The following CARF variants were observed in gnomAD, a reference collection of about 807,000 sequenced individuals.
CARF encodes the protein calcium responsive transcription factor.
CARF carries 57 observed loss-of-function variants against 82.0 expected under a neutral mutation model. The observed-to-expected ratio is 0.70, with a 90% CI of 0.56 to 0.87. The LOEUF (loss-of-function observed/expected upper bound fraction) is 0.87. Among genes scored for constraint, CARF ranks in the 40% least tolerant of loss-of-function variants. CARF has a pLI of 0.00. For synonymous variants in CARF, 268 were observed against 290.1 expected (o/e 0.92, Z 0.77); for missense variants, 771 against 855.8 (o/e 0.90, Z 1.24).
At chr2:202,959,815 C>CAAAAAAAAAAAAA (rs11334679) in intron 8 of CARF, among the ~76,000 whole-genome samples, 1 of 140,248 alleles carries the variant, frequency 7.1e-6, no homozygotes, top group Non-Finnish European at 1.6e-5. Context: ...ATCTCAAAAA[C>CAAAAAAAAAAAAA]AAAAAAAAAA....
rs1337498809 is a variant in CARF, at chr2:202,971,582, C to T, written c.1175C>T (p.Ser392Phe). The change falls in exon 12 of 17, where the codon TCT becomes TTT. Residue 392 changes from serine (S) to phenylalanine (F), a missense_variant. By Grantham distance (155) the Ser-to-Phe change is radical (BLOSUM62 -2). Coordinates refer to ENST00000438828, the MANE Select transcript of CARF (RefSeq NM_024744.17). ...LETPCLTLSP[S>F]PFPVSSLEEE... is the part of the protein sequence containing the mutation. ...ACTCCCTGCCTCACTTTGTCACCTT[C>T]TCCTTTTCCTGTGTCTTCTCTTGAA... is the stretch of plus-strand genomic sequence containing the variant. 1 of 1,613,748 alleles carries T rather than the reference C, an allele frequency of 6.2e-7. No individual in the cohort carries two copies. Among genetic ancestry groups the T allele is most frequent in the East Asian group, 2.2e-5 (1 of 44,770 alleles).
chr2:202,953,916 T>C (rs1258000436), intron 6 of CARF, 89 bp from the exon 7 acceptor site: 6 of 1,135,594 alleles, frequency 5.3e-6, no homozygotes, highest in Non-Finnish European at 5.9e-6. Context: ...TTTCTTTACC[T>C]ATTACAAATA....
intron 12 of CARF, among the ~76,000 whole-genome samples, chr2:202,974,002 C>T (rs1031808961): frequency 2.0e-5 from 3 of 151,936 alleles, no homozygotes; most frequent in Admixed American, 6.6e-5. Flanking sequence ...GCAGGAGAAT[C>T]GCTTGAACCC....
intron 9 of CARF, chr2:202,961,753 C>T: frequency 2.7e-6 from 1 of 366,430 alleles, no homozygotes. Flanking sequence ...TGTTTTTCCC[C>T]TTCAGATTAA....
chr2:202,949,231 G>A (rs2058642773), intron 5 of CARF, among the ~76,000 whole-genome samples: 1 of 151,706 alleles, frequency 6.6e-6, no homozygotes, highest in Admixed American at 6.6e-5. Context: ...CTACTCAGGA[G>A]GCTGAGGCAG....
chr2:202,936,139 CT>C, intron 3 of CARF, among the ~76,000 whole-genome samples: 1 of 151,952 alleles, frequency 6.6e-6, no homozygotes, highest in African/African-American at 2.4e-5. Context: ...CCCAAAATTC[CT>C]TTTTTTTCAT....
chr2:202,960,826 A>G (rs1435227623), intron 8 of CARF, among the ~76,000 whole-genome samples: 3 of 146,516 alleles, frequency 2.0e-5, no homozygotes, highest in East Asian at 2.0e-4. Context: ...TCTCCTTCCA[A>G]CCTCACTCCA....
chr2:202,983,622 T>G lies in CARF; in HGVS notation c.2176T>G (p.Ter726GluextTer12), dbSNP rs1365722692. The G allele has an allele frequency of 1.3e-6, 2 of 1,552,140 alleles. No homozygotes were observed. Among genetic ancestry groups the G allele is most frequent in the Admixed American group, 3.4e-5 (2 of 58,308 alleles). ...GGACTATAAGAAATTATCTGCTACA[T>G]AAATTATTGAAGCTTTTCAGAATTT... ...TVDYKKLSAT* is the reference protein window; with the variant it reads ...TVDYKKLSATE The change falls in exon 17 of 17, where the codon TAA (stop) becomes GAA (glutamate). Residue 726 changes from the stop codon to glutamate (E), a stop_lost. Transcript: ENST00000438828.
At chr2:202,975,724 CT>C (rs890526447) in intron 13 of CARF, among the ~76,000 whole-genome samples, 4 of 152,122 alleles carry the variant, frequency 2.6e-5, no homozygotes, top group Admixed American at 6.6e-5. Flanking sequence ...TTTCCCCTCC[CT>C]TTTTTAATAA....
chr2:202,971,373 T>G (rs539092218), intron 11 of CARF, 132 bp from the exon 12 acceptor site: 5 of 451,156 alleles, frequency 1.1e-5, no homozygotes, highest in Non-Finnish European at 3.8e-6. Context: ...CCATATATAA[T>G]TTTTTCTTAA....
At chr2:202,957,909 G>A (rs924721823) in intron 8 of CARF, among the ~76,000 whole-genome samples, 12 of 151,732 alleles carry the variant, frequency 7.9e-5, no homozygotes, top group Non-Finnish European at 1.3e-4. Flanking sequence ...TCACGCCACT[G>A]CATTCCAGTC....
intron 3 of CARF, among the ~76,000 whole-genome samples, chr2:202,941,459 A>G (rs1448340026): frequency 2.0e-5 from 3 of 152,152 alleles, no homozygotes; most frequent in African/African-American, 7.2e-5. Context: ...CAGGATATCT[A>G]TTTTAAAATT....
At chr2:202,946,360 C>G (rs754018742) in intron 5 of CARF, among the ~76,000 whole-genome samples, 3 of 152,164 alleles carry the variant, frequency 2.0e-5, no homozygotes, top group Non-Finnish European at 4.4e-5. Context: ...CTACAACCAT[C>G]TGATCTTTGA....
chr2:202,946,625 G>A (rs932176393), intron 5 of CARF, among the ~76,000 whole-genome samples: 1 of 152,200 alleles, frequency 6.6e-6, no homozygotes, highest in African/African-American at 2.4e-5. Flanking sequence ...AAAAGCAATT[G>A]CAACAGAAGC....
At chr2:202,940,772 T>G (rs1427523228) in intron 3 of CARF, among the ~76,000 whole-genome samples, 1 of 152,160 alleles carries the variant, frequency 6.6e-6, no homozygotes, top group African/African-American at 2.4e-5. Context: ...GAAAGTTTCC[T>G]CTTTGTTTAT....
At chr2:202,976,778 A>G (rs926703261) in intron 13 of CARF, among the ~76,000 whole-genome samples, 1 of 144,546 alleles carries the variant, frequency 6.9e-6, no homozygotes, top group African/African-American at 2.6e-5. Flanking sequence ...TCACACAATC[A>G]CGGCTCACTG....
At chr2:202,940,931 T>G (rs753921341) in intron 3 of CARF, among the ~76,000 whole-genome samples, 37 of 152,112 alleles carry the variant, frequency 2.4e-4, no homozygotes, top group Admixed American at 4.6e-4. Flanking sequence ...TTCTGTTTTT[T>G]GTTTTGTATG....
At chr2:202,938,411 C>CGGG (rs1694289769) in intron 3 of CARF, 1 of 152,026 alleles carries the variant, frequency 6.6e-6, no homozygotes, top group Non-Finnish European at 1.5e-5. Context: ...CACCACAACA[C>CGGG]CCAGCTAATT....
chr2:202,929,023 C>T (rs1692386937), intron 3 of CARF, among the ~76,000 whole-genome samples: 1 of 152,292 alleles, frequency 6.6e-6, no homozygotes, highest in East Asian at 1.9e-4. Context: ...AGCCATCACG[C>T]CTGGCCTGTA....
Sources: allele counts gnomAD v4.1 joint callset (sites outside exome capture counted in the v4.1 genomes callset), GRCh38; gene constraint gnomAD v4.1.1; transcripts MANE v1.5; gene names NCBI Gene and HGNC (gene_info 2026-07-23, HGNC 2026-07-21).